DLGAP2: variants seen among roughly 807,000 people sequenced by gnomAD.
DLGAP2 encodes DLG associated protein 2.
A neutral mutation model predicts 100.3 loss-of-function variants in DLGAP2; 26 were observed. That is an observed-to-expected ratio of 0.26 (90% CI 0.19 to 0.36). The LOEUF (loss-of-function observed/expected upper bound fraction) is 0.36, where lower values mean the gene tolerates loss of function less well. Among genes scored for constraint, DLGAP2 ranks in the 10% least tolerant of loss-of-function variants. The probability of loss-of-function intolerance (pLI) is 1.00; values close to 1 mark genes in which losing one functional copy is unlikely to be tolerated. For missense variants in DLGAP2, 1,858 were observed against 1,453.2 expected, an observed-to-expected ratio of 1.28 and a Z score of -4.53; for synonymous variants, 886 against 630.1, an observed-to-expected ratio of 1.41 and a Z score of -6.08.
intron 1 of DLGAP2, among the ~76,000 whole-genome samples, chr8:805,114 G>A (rs754364924): frequency 2.6e-5 from 4 of 152,154 alleles, no homozygotes; most frequent in African/African-American, 7.2e-5. Context: ...TGACTGATTC[G>A]TAATGGGAAT....
chr8:1,283,877 A>G (rs1376105492), intron 3 of DLGAP2, among the ~76,000 whole-genome samples: 2 of 152,266 alleles, frequency 1.3e-5, no homozygotes, highest in African/African-American at 4.8e-5. Flanking sequence ...ACAATCACAC[A>G]TAGCCCTTCA....
Position 1,097,901 on chromosome 8 carries a change from C to A in DLGAP2, c.74-160950C>A, listed in dbSNP as rs112100073. Among the ~76,000 whole-genome samples, 9 of 90,842 alleles carry A rather than the reference C, an allele frequency of 9.9e-5. No homozygotes were observed. The South Asian group carries it at 3.4e-3, about 35-fold the overall frequency. 59.6% of individuals were successfully genotyped at this position (90,842 alleles called of 152,430 possible). A position where few individuals can be genotyped will look rare whatever the true frequency, so the allele number is the denominator to read the frequency against. On this transcript the variant is annotated intron_variant, in intron 2 of 14. Coordinates refer to ENST00000637795, the MANE Select transcript of DLGAP2 (RefSeq NM_001346810.2). ...CTCCAGTGTGAGACCCACCTCCCTGCGCTCAGGAGAGTCGAGCTGGGAGCC... is the reference window on the plus strand; with the variant it reads ...CTCCAGTGTGAGACCCACCTCCCTGAGCTCAGGAGAGTCGAGCTGGGAGCC...
intron 3 of DLGAP2, chr8:1,299,791 T>C (rs944247174): frequency 6.6e-6 from 1 of 152,216 alleles, no homozygotes; most frequent in African/African-American, 2.4e-5. Flanking sequence ...AGGTCAAGAA[T>C]GGATCTGAAG....
At position 1,297,994 on chromosome 8, in the gene DLGAP2, C is replaced by G. The variant is rs372208874; in HGVS notation, c.106+39111C>G. ...CAGGGAGGAGAAACGTGGCAGGCGT[C>G]AACAGACACCACGTGAGACAGGGAG... On this transcript the variant is annotated intron_variant, in intron 3 of 14. Transcript: ENST00000637795. Among the ~76,000 whole-genome samples the G allele has an allele frequency of 3.5e-3, 95 of 27,178 alleles. 3 individuals are homozygous for G. The highest frequency in any genetic ancestry group is 3.7e-3 in the Non-Finnish European group (59 of 15,762). The allele number at this position is 27,178 out of a possible 152,430, so 17.8% of individuals were successfully genotyped here. A position where few individuals can be genotyped will look rare whatever the true frequency, so the allele number is the denominator to read the frequency against.
chr8:1,129,326 C>A (rs1224141225), intron 2 of DLGAP2, among the ~76,000 whole-genome samples: 1 of 151,616 alleles, frequency 6.6e-6, no homozygotes, highest in Admixed American at 6.6e-5. Context: ...TTGTTTGGAC[C>A]CGGGAGGCAG....
chr8:1,701,539 A>T lies in DLGAP2; in HGVS notation c.*133A>T. Reference sequence around the variant, plus strand: ...CGCTCCCGCGCTCCCCGCGCCCCGGACACAGCGGGACGCGGCCGGCGGCCT... The same window carrying T: ...CGCTCCCGCGCTCCCCGCGCCCCGGTCACAGCGGGACGCGGCCGGCGGCCT... On this transcript the variant is annotated 3_prime_UTR_variant, in exon 15 of 15. Transcript: ENST00000637795. 1.0e-6 allele frequency: 1 copy of T among 973,726 alleles called. No individual in the cohort carries two copies. Among genetic ancestry groups the T allele is most frequent in the East Asian group, 2.7e-5 (1 of 37,208 alleles). The allele number at this position is 973,726 out of a possible 1,614,324, so 60.3% of individuals were successfully genotyped here. A position where few individuals can be genotyped will look rare whatever the true frequency, so the allele number is the denominator to read the frequency against.
rs185477843 is a variant in DLGAP2, at chr8:1,253,436, G to T, written c.74-5415G>T. 4.2e-4 allele frequency among the ~76,000 whole-genome samples: 64 copies of T among 152,346 alleles called. 1 individual carries two copies. The East Asian group carries it at 0.011, about 26-fold the overall frequency. The stretch of plus-strand genomic sequence containing the variant: ...CAGAAGCCAGAGATAGCATGCGCTC[G>T]GCTTCACAGACCTCAAAGCTGCCTC... On this transcript the variant is annotated intron_variant, in intron 2 of 14. Coordinates refer to ENST00000637795, the MANE Select transcript of DLGAP2 (RefSeq NM_001346810.2).
chr8:798,766 G>C (rs1796087921), intron 1 of DLGAP2, among the ~76,000 whole-genome samples: 1 of 145,464 alleles, frequency 6.9e-6, no homozygotes, highest in Non-Finnish European at 1.5e-5. Flanking sequence ...AACGCTTGTT[G>C]AGTCAGGACC....
At chr8:1,225,514 A>G (rs1798396186) in intron 2 of DLGAP2, among the ~76,000 whole-genome samples, 1 of 152,222 alleles carries the variant, frequency 6.6e-6, no homozygotes, top group African/African-American at 2.4e-5. Context: ...AGCTGGTTGA[A>G]CAACACGTGA....
At chr8:1,524,825 A>T (rs541787468) in intron 4 of DLGAP2, among the ~76,000 whole-genome samples, 56 of 151,648 alleles carry the variant, frequency 3.7e-4, no homozygotes, top group African/African-American at 1.3e-3. Flanking sequence ...CGTCTGCATC[A>T]CTCTTACCAC....
intron 7 of DLGAP2, 49 bp from the exon 8 acceptor site, chr8:1,632,778 T>C (rs576962906): frequency 3.3e-6 from 5 of 1,536,378 alleles, no homozygotes; most frequent in Admixed American, 3.8e-5. Context: ...TGTAACGTGA[T>C]GGTGACCCTG....
At chr8:1,019,507 A>G (rs768733723) in intron 2 of DLGAP2, 2 of 151,082 alleles carry the variant, frequency 1.3e-5, no homozygotes, top group Non-Finnish European at 2.9e-5. Context: ...TCTGGAGCAC[A>G]TTTCCCTCTA....
At chr8:1,077,862 C>T (rs1226804466) in intron 2 of DLGAP2, among the ~76,000 whole-genome samples, 2 of 152,198 alleles carry the variant, frequency 1.3e-5, no homozygotes, top group Non-Finnish European at 2.9e-5. Context: ...GCGGAGCTCA[C>T]AGCTGTCTCA....
At chr8:816,986 A>G (rs1262176871) in intron 1 of DLGAP2, among the ~76,000 whole-genome samples, 2 of 152,118 alleles carry the variant, frequency 1.3e-5, no homozygotes, top group Admixed American at 6.5e-5. Context: ...TAAAAATACA[A>G]CAAAATTAGC....
intron 2 of DLGAP2, among the ~76,000 whole-genome samples, chr8:1,084,115 A>C (rs916496233): frequency 5.9e-5 from 9 of 152,156 alleles, no homozygotes; most frequent in Non-Finnish European, 1.0e-4. Context: ...ATATATTTTA[A>C]AGCATTTAAA....
chr8:1,189,308 C>G (rs772751032), intron 2 of DLGAP2, among the ~76,000 whole-genome samples: 1 of 152,220 alleles, frequency 6.6e-6, no homozygotes, highest in Non-Finnish European at 1.5e-5. Flanking sequence ...ACTGCAAGGG[C>G]GGGAGACCCA....
At chr8:1,253,466 A>C (rs1367131391) in intron 2 of DLGAP2, among the ~76,000 whole-genome samples, 1 of 152,234 alleles carries the variant, frequency 6.6e-6, no homozygotes, top group African/African-American at 2.4e-5. Context: ...TGCCTCTCCA[A>C]AAATATGTGC....
At chr8:1,410,754 C>G (rs1243329353) in intron 3 of DLGAP2, among the ~76,000 whole-genome samples, 1 of 152,122 alleles carries the variant, frequency 6.6e-6, no homozygotes, top group Non-Finnish European at 1.5e-5. Flanking sequence ...GATTTGGAAC[C>G]TGGTTTTCTT....
intron 4 of DLGAP2, among the ~76,000 whole-genome samples, chr8:1,520,888 C>T (rs1800572553): frequency 6.6e-6 from 1 of 152,214 alleles, no homozygotes; most frequent in Non-Finnish European, 1.5e-5. Context: ...GGCGTGATTG[C>T]TGGACTGCAT....
Sources: allele counts gnomAD v4.1 joint callset (sites outside exome capture counted in the v4.1 genomes callset), GRCh38; gene constraint gnomAD v4.1.1; transcripts MANE v1.5; gene names NCBI Gene and HGNC (gene_info 2026-07-23, HGNC 2026-07-21).